The following CSMD1 variants were observed in gnomAD, a reference collection of about 807,000 sequenced individuals.
CSMD1 encodes CUB and sushi domain-containing protein 1.
In CSMD1, 213 loss-of-function variants were observed where a neutral mutation model predicts 417.5. The ratio of observed to expected loss-of-function variants is 0.51; its 90% CI spans 0.46 to 0.57. CSMD1 has a LOEUF of 0.57. Ranked by LOEUF, CSMD1 falls within the 20% of genes least tolerant of loss-of-function variation. The pLI is 0.00. For synonymous variants in CSMD1, 2,862 were observed against 1,736.8 expected (o/e 1.65, Z -16.11); for missense variants, 6,923 against 4,529.7 (o/e 1.53, Z -15.17).
intron 4 of CSMD1, among the ~76,000 whole-genome samples, chr8:3,999,184 T>A (rs983210735): frequency 1.1e-4 from 17 of 152,150 alleles, no homozygotes; most frequent in Non-Finnish European, 1.3e-4. Flanking sequence ...TTTCCTCAAA[T>A]ACTTCCTATC....
At chr8:4,627,325 A>C (rs1802177486) in intron 2 of CSMD1, among the ~76,000 whole-genome samples, 1 of 152,252 alleles carries the variant, frequency 6.6e-6, no homozygotes, top group Middle Eastern at 3.4e-3. Flanking sequence ...ATCCACATAA[A>C]GCTCATTTAA....
intron 23 of CSMD1, among the ~76,000 whole-genome samples, chr8:3,338,372 T>C (rs1664851094): frequency 6.6e-6 from 1 of 152,154 alleles, no homozygotes; most frequent in Non-Finnish European, 1.5e-5. Flanking sequence ...CCTGACCAAG[T>C]ACATAAATAA....
At chr8:3,316,498 G>C (rs80200893) in intron 23 of CSMD1, among the ~76,000 whole-genome samples, 1,740 of 150,214 alleles carry the variant, frequency 0.012, 34 homozygotes, top group African/African-American at 0.04. Context: ...AAGGAAACTA[G>C]TATATTGGTA....
chr8:4,140,156 C>G (rs1396089259), intron 3 of CSMD1, among the ~76,000 whole-genome samples: 1 of 150,642 alleles, frequency 6.6e-6, no homozygotes, highest in African/African-American at 2.5e-5. Flanking sequence ...GGTTTGCGAC[C>G]AGCCTGAGCA....
At chr8:3,599,665 A>G (rs1006884476) in intron 8 of CSMD1, among the ~76,000 whole-genome samples, 1 of 152,226 alleles carries the variant, frequency 6.6e-6, no homozygotes, top group Non-Finnish European at 1.5e-5. Flanking sequence ...CTGCAGCTTT[A>G]TGCCTTTAAC....
intron 1 of CSMD1, among the ~76,000 whole-genome samples, chr8:4,641,045 A>G (rs2130867660): frequency 6.6e-6 from 1 of 151,132 alleles, no homozygotes; most frequent in African/African-American, 2.4e-5. Context: ...TTCGATTTCA[A>G]TTTCATATAT....
chr8:4,886,558 G>T (rs973917693), intron 1 of CSMD1, among the ~76,000 whole-genome samples: 2 of 151,878 alleles, frequency 1.3e-5, no homozygotes, highest in African/African-American at 4.8e-5. Context: ...TTTTGAAAGT[G>T]TGGATATATT....
At chr8:3,276,422 G>C (rs531270025) in intron 26 of CSMD1, among the ~76,000 whole-genome samples, 1 of 152,136 alleles carries the variant, frequency 6.6e-6, no homozygotes, top group Non-Finnish European at 1.5e-5. Context: ...TGGCTTCTCC[G>C]ACTGCAAGTC....
chr8:3,408,504 G>C (rs1286244908), intron 13 of CSMD1, among the ~76,000 whole-genome samples: 1 of 147,292 alleles, frequency 6.8e-6, no homozygotes, highest in Admixed American at 6.7e-5. Flanking sequence ...GAAAACGTGT[G>C]CCAAATATTA....
chr8:3,556,624 T>C (rs1585359740), intron 10 of CSMD1, among the ~76,000 whole-genome samples: 1 of 151,384 alleles, frequency 6.6e-6, no homozygotes, highest in African/African-American at 2.4e-5. Flanking sequence ...ACAAAAACAT[T>C]GTCGTGGGGG....
chr8:4,228,154 C>A (rs1395594629), intron 3 of CSMD1, among the ~76,000 whole-genome samples: 1 of 152,190 alleles, frequency 6.6e-6, no homozygotes, highest in Non-Finnish European at 1.5e-5. Context: ...TTAAATGCCA[C>A]AGAAGGAAAC....
chr8:4,745,138 CT>C (rs1563274604), intron 1 of CSMD1, among the ~76,000 whole-genome samples: 1 of 152,040 alleles, frequency 6.6e-6, no homozygotes, highest in African/African-American at 2.4e-5. Flanking sequence ...CAAATTCATA[CT>C]TTTAAAATTA....
At chr8:4,138,484 T>C (rs1025358163) in intron 3 of CSMD1, among the ~76,000 whole-genome samples, 12 of 152,102 alleles carry the variant, frequency 7.9e-5, no homozygotes, top group African/African-American at 1.2e-4. Context: ...AGTGCCTTCA[T>C]TCCATCCACT....
chr8:4,565,679 G>C lies in CSMD1; in HGVS notation c.302+71663C>G, dbSNP rs1289997431. Among the ~76,000 whole-genome samples, 4 of 150,054 alleles carry C rather than the reference G, an allele frequency of 2.7e-5. No homozygotes were observed. The Admixed American group carries it at 2.7e-4, about 10-fold the overall frequency. On this transcript the variant is annotated intron_variant, in intron 2 of 69. Transcript: ENST00000635120. Reference sequence around the variant, plus strand: ...GAACCAAGGAGGCAGAGGTTGCAGTGAGCTGGGATTGTGCCATTGCACTCC... The same window carrying C: ...GAACCAAGGAGGCAGAGGTTGCAGTCAGCTGGGATTGTGCCATTGCACTCC...
chr8:4,197,056 C>G (rs1206829686), intron 3 of CSMD1, among the ~76,000 whole-genome samples: 1 of 152,042 alleles, frequency 6.6e-6, no homozygotes, highest in Non-Finnish European at 1.5e-5. Flanking sequence ...CAATTATTCA[C>G]TGAGAGCTTG....
intron 1 of CSMD1, among the ~76,000 whole-genome samples, chr8:4,978,608 G>A (rs898684907): frequency 6.6e-6 from 1 of 152,130 alleles, no homozygotes; most frequent in Non-Finnish European, 1.5e-5. Context: ...CTCAAAAGTA[G>A]CCTCTGGTGC....
At chr8:4,711,436 C>T (rs988116068) in intron 1 of CSMD1, among the ~76,000 whole-genome samples, 1 of 151,962 alleles carries the variant, frequency 6.6e-6, no homozygotes, top group Non-Finnish European at 1.5e-5. Flanking sequence ...GTAATAGCTG[C>T]ATTTTCAAAC....
chr8:4,585,061 G>A (rs928726143), intron 2 of CSMD1, among the ~76,000 whole-genome samples: 3 of 148,416 alleles, frequency 2.0e-5, no homozygotes, highest in Non-Finnish European at 3.0e-5. Context: ...AAATTACCCA[G>A]CATACCAGGA....
chr8:3,079,649 T>A lies in CSMD1; in HGVS notation c.7474+7448A>T, dbSNP rs544775013. Among the ~76,000 whole-genome samples the A allele has an allele frequency of 2.0e-4, 31 of 152,294 alleles. No homozygotes were observed. The South Asian group carries it at 6.0e-3, about 30-fold the overall frequency. On this transcript the variant is annotated intron_variant, in intron 49 of 69. Transcript: ENST00000635120. ...CCTAACATTTGAGAATGATGTTGTT[T>A]TAAAAATTTTGTATAAAGTAAAAGG...
Sources: allele counts gnomAD v4.1 joint callset (sites outside exome capture counted in the v4.1 genomes callset), GRCh38; gene constraint gnomAD v4.1.1; transcripts MANE v1.5; gene names NCBI Gene and HGNC (gene_info 2026-07-23, HGNC 2026-07-21).